The following UGGT2 variants were observed in gnomAD, a reference collection of about 807,000 sequenced individuals.
The protein encoded by UGGT2 is UDP-glucose:glycoprotein glucosyltransferase 2.
A neutral mutation model predicts 192.1 loss-of-function variants in UGGT2; 180 were observed. That is an observed-to-expected ratio of 0.94 (90% CI 0.83 to 1.06). The LOEUF (loss-of-function observed/expected upper bound fraction) is 1.06, where lower values mean the gene tolerates loss of function less well. UGGT2 is among the 50% of genes least tolerant of loss of function. The pLI, the probability that UGGT2 is intolerant of heterozygous loss-of-function variation, is 0.00. For missense variants in UGGT2, 1,849 were observed against 1,795.7 expected (o/e 1.03, Z -0.54); for synonymous variants, 580 against 591.0 (o/e 0.98, Z 0.27).
Position 96,013,324 on chromosome 13 carries a change from G to C in UGGT2, c.643C>G (p.Leu215Val). Residue 215 changes from leucine to valine, a missense_variant, in exon 5 of 39, where the codon CTT becomes GTT. By Grantham distance (32) the Leu-to-Val change is conservative. Transcript: ENST00000376747. ...GCGCATACCTGAATATAATGGCGAA[G>C]AACATACAGAATTTCCTCATTTTGA... ...KAQNEEILYV[L>V]RHYIQKPSSR... The C allele has an allele frequency of 6.3e-7, 1 of 1,598,598 alleles. No homozygotes were observed. Among genetic ancestry groups the C allele is most frequent in the Non-Finnish European group, 8.5e-7 (1 of 1,176,106 alleles).
At chr13:95,929,512 A>G (rs9516625) in intron 17 of UGGT2, among the ~76,000 whole-genome samples, 112,150 of 152,040 alleles carry the variant, frequency 0.74, 42,269 homozygotes, top group Non-Finnish European at 0.81. Flanking sequence ...TATGAGTACC[A>G]AATGTTTAGC....
intron 34 of UGGT2, among the ~76,000 whole-genome samples, chr13:95,854,998 G>C (rs1027004104): frequency 6.7e-6 from 1 of 148,882 alleles, no homozygotes; most frequent in South Asian, 2.1e-4. Flanking sequence ...TTGAAAGAAA[G>C]GTAGGAGAAA....
At chr13:96,003,358 A>G (rs1308972384) in intron 5 of UGGT2, among the ~76,000 whole-genome samples, 4 of 152,200 alleles carry the variant, frequency 2.6e-5, no homozygotes, top group Non-Finnish European at 4.4e-5. Flanking sequence ...AGTACTAAGC[A>G]CAGTGCCCAA....
intron 12 of UGGT2, among the ~76,000 whole-genome samples, chr13:95,964,882 T>C (rs978823800): frequency 1.4e-5 from 2 of 146,234 alleles, no homozygotes; most frequent in Non-Finnish European, 3.0e-5. Flanking sequence ...TACAATGAAC[T>C]CAAACAAATT....
intron 20 of UGGT2, among the ~76,000 whole-genome samples, chr13:95,925,220 A>C (rs1204060814): frequency 6.6e-6 from 1 of 152,208 alleles, no homozygotes; most frequent in Non-Finnish European, 1.5e-5. Flanking sequence ...CAATAACAAG[A>C]AATTTAATGT....
chr13:95,965,276 A>G (rs1371756710), intron 12 of UGGT2, among the ~76,000 whole-genome samples: 1 of 150,882 alleles, frequency 6.6e-6, no homozygotes, highest in Non-Finnish European at 1.5e-5. Flanking sequence ...ATGCTGCTAT[A>G]AAGACACATG....
At chr13:95,877,075 G>A in intron 29 of UGGT2, 1 of 422,466 alleles carries the variant, frequency 2.4e-6, no homozygotes, top group East Asian at 3.8e-5. Flanking sequence ...GTACAGATGG[G>A]GTTTTGCCAT....
chr13:96,051,036 T>A (rs1369939254), intron 1 of UGGT2, among the ~76,000 whole-genome samples: 1 of 150,612 alleles, frequency 6.6e-6, no homozygotes, highest in African/African-American at 2.5e-5. Context: ...TGCACACACA[T>A]GTTTATTGCG....
At chr13:95,854,598 G>A in intron 34 of UGGT2, 123 bp from the exon 35 acceptor site, 1 of 765,198 alleles carries the variant, frequency 1.3e-6, no homozygotes, top group Non-Finnish European at 1.9e-6. Flanking sequence ...TCCTCACAGT[G>A]CTTTCATGTA....
At chr13:95,960,514 A>G (rs1267014955) in intron 12 of UGGT2, among the ~76,000 whole-genome samples, 1 of 152,196 alleles carries the variant, frequency 6.6e-6, no homozygotes, top group African/African-American at 2.4e-5. Context: ...ATAAAAATAC[A>G]TACAAAAAAG....
At chr13:95,872,335 G>A (rs924862642) in intron 29 of UGGT2, among the ~76,000 whole-genome samples, 35 of 152,240 alleles carry the variant, frequency 2.3e-4, no homozygotes, top group South Asian at 8.3e-4. Context: ...CCTCAGAAGT[G>A]GAAAGCCAAA....
intron 38 of UGGT2, among the ~76,000 whole-genome samples, chr13:95,830,764 C>T (rs1468364146): frequency 6.6e-6 from 1 of 152,160 alleles, no homozygotes; most frequent in East Asian, 1.9e-4. Flanking sequence ...TTGACCCAGC[C>T]ATCCCATTAC....
At chr13:95,819,874 T>C (rs556801781) in intron 38 of UGGT2, among the ~76,000 whole-genome samples, 5 of 152,186 alleles carry the variant, frequency 3.3e-5, no homozygotes, top group Admixed American at 3.3e-4. Flanking sequence ...AGGAACGAAA[T>C]AGGCCGGATG....
intron 5 of UGGT2, among the ~76,000 whole-genome samples, chr13:96,004,947 A>T (rs2051926838): frequency 6.6e-6 from 1 of 152,056 alleles, no homozygotes; most frequent in South Asian, 2.1e-4. Flanking sequence ...ACGAAGAAAG[A>T]TCTCTAGGAG....
At chr13:95,966,082 T>C (rs533006296) in intron 12 of UGGT2, among the ~76,000 whole-genome samples, 2 of 152,288 alleles carry the variant, frequency 1.3e-5, no homozygotes, top group South Asian at 4.1e-4. Flanking sequence ...CTCAAAGAGA[T>C]ACCTGCACTT....
intron 33 of UGGT2, among the ~76,000 whole-genome samples, chr13:95,859,277 C>A (rs1172009823): frequency 6.6e-6 from 1 of 152,084 alleles, no homozygotes; most frequent in Non-Finnish European, 1.5e-5. Flanking sequence ...GCAAAAATGA[C>A]AGAATCCATT....
intron 17 of UGGT2, among the ~76,000 whole-genome samples, chr13:95,930,699 G>C (rs1472955753): frequency 2.0e-5 from 3 of 152,096 alleles, no homozygotes; most frequent in African/African-American, 4.8e-5. Context: ...ACTGTGTCCG[G>C]AATTGGTGGG....
intron 19 of UGGT2, 63 bp from the exon 20 acceptor site, chr13:95,925,837 G>A: frequency 3.4e-5 from 39 of 1,134,170 alleles, no homozygotes; most frequent in Middle Eastern, 2.7e-4. Flanking sequence ...CAAAAGCAGG[G>A]GAACATGTGC....
chr13:95,983,051 T>A (rs1340615281), intron 10 of UGGT2, among the ~76,000 whole-genome samples: 1 of 152,170 alleles, frequency 6.6e-6, no homozygotes, highest in Non-Finnish European at 1.5e-5. Flanking sequence ...TTTGCTTCGT[T>A]ATTAGAAAAG....
Sources: allele counts gnomAD v4.1 joint callset (sites outside exome capture counted in the v4.1 genomes callset), GRCh38; gene constraint gnomAD v4.1.1; transcripts MANE v1.5; gene names NCBI Gene and HGNC (gene_info 2026-07-23, HGNC 2026-07-21).